UIMC1: variants seen among roughly 807,000 people sequenced by gnomAD.
The protein encoded by UIMC1 is ubiquitin interaction motif containing 1, also known as BRCA1-A complex subunit RAP80.
UIMC1 carries 42 observed loss-of-function variants against 84.9 expected under a neutral mutation model. The observed-to-expected ratio is 0.49, with a 90% CI of 0.39 to 0.64. The LOEUF is 0.64. UIMC1 is among the 30% of genes least tolerant of loss of function. The pLI, the probability that UIMC1 is intolerant of heterozygous loss-of-function variation, is 0.00. For missense variants in UIMC1, 825 were observed against 847.6 expected (o/e 0.97, Z 0.33); for synonymous variants, 281 against 293.0 (o/e 0.96, Z 0.42).
chr5:177,014,513 T>A (rs1313905659), intron 1 of UIMC1, among the ~76,000 whole-genome samples: 2 of 152,132 alleles, frequency 1.3e-5, no homozygotes, highest in African/African-American at 4.8e-5. Context: ...ATGCTGTGGT[T>A]GAAACTTGGG....
rs143599156 is a variant in UIMC1 at position 176,933,816 on chromosome 5, G to A, written c.1597+9519C>T. ...GTCCCAATGTGCTTGGATTACAGGT[G>A]TGAACTACCATGACTGACCCTAGAT... On this transcript the variant is annotated intron_variant, in intron 10 of 14. Transcript: ENST00000511320. 9.1e-3 allele frequency among the ~76,000 whole-genome samples: 1,385 copies of A among 152,006 alleles called. 8 individuals carry two copies. The highest frequency in any genetic ancestry group is 0.025 in the South Asian group (121 of 4,816).
At chr5:176,918,388 G>C (rs1489460362) in intron 10 of UIMC1, among the ~76,000 whole-genome samples, 1 of 152,184 alleles carries the variant, frequency 6.6e-6, no homozygotes, top group Admixed American at 6.5e-5. Flanking sequence ...CCTTTCTCCA[G>C]TGGGGTTCCA....
intron 7 of UIMC1, among the ~76,000 whole-genome samples, chr5:176,956,922 T>C (rs1461689917): frequency 1.3e-4 from 20 of 152,174 alleles, no homozygotes; most frequent in Non-Finnish European, 4.4e-5. Context: ...CCAGACAGTT[T>C]ACTCTGCATG....
intron 3 of UIMC1, 44 bp from the exon 4 acceptor site, chr5:176,970,910 C>A: frequency 6.2e-7 from 1 of 1,601,890 alleles, no homozygotes; most frequent in Admixed American, 1.7e-5. Flanking sequence ...ACCACAAACA[C>A]TGAATAATCA....
chr5:176,944,040 C>T (rs1188237067), intron 9 of UIMC1, among the ~76,000 whole-genome samples: 1 of 152,166 alleles, frequency 6.6e-6, no homozygotes, highest in African/African-American at 2.4e-5. Context: ...TCAACAGCAC[C>T]TTAAGGACAC....
intron 1 of UIMC1, among the ~76,000 whole-genome samples, chr5:177,014,500 G>A (rs757722628): frequency 6.6e-6 from 1 of 152,146 alleles, no homozygotes; most frequent in Non-Finnish European, 1.5e-5. Context: ...TGCACAATAT[G>A]TAATGCTGTG....
chr5:176,930,780 T>C (rs1762984205), intron 10 of UIMC1, among the ~76,000 whole-genome samples: 1 of 152,250 alleles, frequency 6.6e-6, no homozygotes, highest in South Asian at 2.1e-4. Flanking sequence ...TGATCTTTTT[T>C]TGACTTTGCA....
At chr5:176,911,249 T>A (rs1429887219) in intron 11 of UIMC1, 62 bp downstream of exon 11, 1 of 1,391,490 alleles carries the variant, frequency 7.2e-7, no homozygotes, top group Admixed American at 2.2e-5. Flanking sequence ...ATTGGTCTTT[T>A]TATTCAGTCC....
chr5:176,994,991 G>T (rs564492846), intron 1 of UIMC1, among the ~76,000 whole-genome samples: 19 of 152,168 alleles, frequency 1.2e-4, no homozygotes, highest in Middle Eastern at 3.4e-3. Context: ...AGAGTATCTG[G>T]AGCTCATTCC....
At position 176,911,243 on chromosome 5, in the gene UIMC1, G is replaced by A. The variant is rs938515495; in HGVS notation, c.1676+68C>T. 17 of 1,316,530 alleles carry A rather than the reference G, an allele frequency of 1.3e-5. No individual in the cohort carries two copies. The Admixed American group carries it at 3.1e-4, about 24-fold the overall frequency. 81.6% of individuals were successfully genotyped at this position (1,316,530 alleles called of 1,614,324 possible). A position where few individuals can be genotyped will look rare whatever the true frequency, so the allele number is the denominator to read the frequency against. On this transcript the variant is annotated intron_variant, in intron 11 of 14. Coordinates refer to ENST00000511320, the MANE Select transcript of UIMC1 (RefSeq NM_001199298.2). ...GAAATACAGGGTAAGATAGGAATTG[G>A]TCTTTTTATTCAGTCCAAACGATGG...
At chr5:176,988,572 G>C (rs1772363648) in intron 1 of UIMC1, among the ~76,000 whole-genome samples, 1 of 151,892 alleles carries the variant, frequency 6.6e-6, no homozygotes, top group African/African-American at 2.4e-5. Context: ...GGGGATGATA[G>C]AAATGTTCTG....
intron 10 of UIMC1, among the ~76,000 whole-genome samples, chr5:176,914,069 T>TACACCACACCAC (rs1554106307): frequency 1.4e-5 from 2 of 144,418 alleles, no homozygotes; most frequent in African/African-American, 5.7e-5. Context: ...TACCATACCA[T>TACACCACACCAC]ACCACACCAC....
chr5:177,016,492 C>T (rs1236538078), intron 1 of UIMC1, among the ~76,000 whole-genome samples: 2 of 148,408 alleles, frequency 1.3e-5, no homozygotes, highest in Admixed American at 6.7e-5. Context: ...AAGATCGAGA[C>T]CATCCTGGCC....
In UIMC1 at chr5:176,989,136, G is replaced by C. The variant is rs2149518354; in HGVS notation, c.-8-6513C>G. Among the ~76,000 whole-genome samples, 4 of 151,620 alleles carry C rather than the reference G, an allele frequency of 2.6e-5. No individual in the cohort carries two copies. In the Middle Eastern group the frequency reaches 0.014, roughly 519 times the overall value. On this transcript the variant is annotated intron_variant, in intron 1 of 14. Coordinates refer to ENST00000511320, the MANE Select transcript of UIMC1 (RefSeq NM_001199298.2). The stretch of plus-strand genomic sequence containing the variant: ...TCAAACCATTCAATTACTCCTAAGG[G>C]GGTTGTTACATCTTATTATCAGAAG...
chr5:176,997,165 C>G (rs1050311729), intron 1 of UIMC1, among the ~76,000 whole-genome samples: 15 of 152,004 alleles, frequency 9.9e-5, no homozygotes, highest in Non-Finnish European at 2.2e-4. Flanking sequence ...TTTTTCATAT[C>G]CAATTCATCC....
At chr5:176,920,990 G>C (rs1403517329) in intron 10 of UIMC1, among the ~76,000 whole-genome samples, 1 of 152,166 alleles carries the variant, frequency 6.6e-6, no homozygotes, top group African/African-American at 2.4e-5. Context: ...TGTCATGAAG[G>C]AGTATTGAAT....
chr5:177,007,589 G>A (rs998355018), upstream of UIMC1, among the ~76,000 whole-genome samples: 6 of 152,210 alleles, frequency 3.9e-5, no homozygotes, highest in Admixed American at 2.0e-4. Context: ...TTGAAATAGC[G>A]ACATGCCAAC....
Position 176,955,832 on chromosome 5 carries a change from T to C in UIMC1, c.1339+127A>G, listed in dbSNP as rs1766528212. On this transcript the variant is annotated intron_variant, in intron 8 of 14. Transcript: ENST00000511320. ...GTATACGCATACGAGTGTTGAGACATGTACATACACGTATCAATTACATAC... is the reference window on the plus strand; with the variant it reads ...GTATACGCATACGAGTGTTGAGACACGTACATACACGTATCAATTACATAC... 5 of 780,630 alleles carry C rather than the reference T, an allele frequency of 6.4e-6. No homozygotes were observed. In the East Asian group the frequency reaches 1.3e-4, roughly 21 times the overall value. The allele number at this position is 780,630 out of a possible 1,614,324, so 48.4% of individuals were successfully genotyped here.
chr5:176,912,286 G>A (rs1179196997), intron 10 of UIMC1, among the ~76,000 whole-genome samples: 1 of 152,174 alleles, frequency 6.6e-6, no homozygotes, highest in African/African-American at 2.4e-5. Flanking sequence ...CAGGAAAGCA[G>A]TCACAGGCTA....
Sources: allele counts gnomAD v4.1 joint callset (sites outside exome capture counted in the v4.1 genomes callset), GRCh38; gene constraint gnomAD v4.1.1; transcripts MANE v1.5; gene names NCBI Gene and HGNC (gene_info 2026-07-23, HGNC 2026-07-21).